Variants in SECISBP2 observed in about 807,000 individuals in gnomAD.
SECISBP2 encodes the protein selenocysteine insertion sequence-binding protein 2.
A neutral mutation model predicts 98.2 loss-of-function variants in SECISBP2; 96 were observed. The observed-to-expected ratio is 0.98, with a 90% CI of 0.83 to 1.16. SECISBP2 has a LOEUF of 1.16. SECISBP2 is among the 50% of genes most tolerant of loss of function. SECISBP2 has a pLI of 0.00. For synonymous variants in SECISBP2, 407 were observed against 370.2 expected, an observed-to-expected ratio of 1.10 and a Z score of -1.14; for missense variants, 1,046 against 1,022.9, an observed-to-expected ratio of 1.02 and a Z score of -0.31.
Position 89,341,400 on chromosome 9 carries a change from G to C in SECISBP2, c.1356G>C (p.Leu452Phe), listed in dbSNP as rs1031436754. ...GCCAGCTTCCAGTGCAGTTGGACTT[G>C]GGGGGCATGCTGACAGCCCTGGAGA... is the stretch of plus-strand genomic sequence containing the variant. ...KKSQLPVQLD[L>F]GGMLTALEKK... The change falls in exon 10 of 17, where the codon TTG (leucine) becomes TTC (phenylalanine). Residue 452 changes from leucine to phenylalanine, a missense_variant. Physicochemically the swap from Leu to Phe is conservative, Grantham distance 22. Transcript: ENST00000375807. The C allele has an allele frequency of 6.2e-7, 1 of 1,613,896 alleles. No homozygotes were observed.
At chr9:89,319,080 C>T (rs1191289389) in intron 1 of SECISBP2, 3 of 994,576 alleles carry the variant, frequency 3.0e-6, no homozygotes, top group Non-Finnish European at 3.6e-6. Flanking sequence ...AAATCTCTTA[C>T]TACGTCACTA....
chr9:89,320,346 ACT>A (rs1050489301), intron 2 of SECISBP2, among the ~76,000 whole-genome samples: 17 of 122,864 alleles, frequency 1.4e-4, no homozygotes, highest in South Asian at 2.8e-4. Context: ...ACAGAGTGAG[ACT>A]CTGTCTCAAA....
intron 11 of SECISBP2, 104 bp from the exon 12 acceptor site, chr9:89,347,975 A>T: frequency 1.8e-6 from 2 of 1,107,056 alleles, no homozygotes; most frequent in Non-Finnish European, 2.7e-6. Flanking sequence ...GGGCACTAAG[A>T]GGCACATTGC....
chr9:89,331,173 C>T (rs564059040), intron 5 of SECISBP2, among the ~76,000 whole-genome samples: 2 of 152,264 alleles, frequency 1.3e-5, no homozygotes, highest in South Asian at 4.1e-4. Flanking sequence ...ATTTCCTTCA[C>T]CTTGAGATTA....
In SECISBP2 at chr9:89,358,783, T is replaced by C. The variant is rs779634227; in HGVS notation, c.2524T>C (p.Leu842=). The C allele has an allele frequency of 6.2e-7, 1 of 1,613,882 alleles. No homozygotes were observed. The highest frequency in any genetic ancestry group is 8.5e-7 in the Non-Finnish European group (1 of 1,179,700). Residue 842 remains leucine, a synonymous_variant, in exon 17 of 17, where the codon TTG becomes CTG. Coordinates refer to ENST00000375807, the MANE Select transcript of SECISBP2 (RefSeq NM_024077.5). ...SGCTLELEES[L]EASTSQMMNL... ...ATGTACCCTGGAGCTAGAAGAATCC[T>C]TGGAGGCTTCAACCTCTCAAATGAT...
rs199939126 is a variant in SECISBP2 at position 89,350,621 on chromosome 9, G to T, written c.1893-11G>T. On this transcript the variant is annotated splice_polypyrimidine_tract_variant and intron_variant, in intron 13 of 16. Coordinates refer to ENST00000375807, the MANE Select transcript of SECISBP2 (RefSeq NM_024077.5). The stretch of plus-strand genomic sequence containing the variant: ...AGTGGCACAATTCCTGATGTCTGAT[G>T]TTTCTTTCAGTTACTGCAGCCAGAT... 3.7e-6 allele frequency: 6 copies of T among 1,612,576 alleles called. No homozygotes were observed. The African/African-American group carries it at 8.0e-5, about 22-fold the overall frequency.
downstream of SECISBP2, chr9:89,360,738 C>T (rs527321816): frequency 6.6e-5 from 10 of 152,338 alleles, no homozygotes; most frequent in Admixed American, 2.6e-4. Context: ...GATGGTGCCG[C>T]ATGAAGCACA....
chr9:89,328,898 G>A lies in SECISBP2; in HGVS notation c.801+12G>A, dbSNP rs372551613. 21 of 1,595,788 alleles carry A rather than the reference G, an allele frequency of 1.3e-5. No homozygotes were observed. The South Asian group carries it at 1.4e-4, about 11-fold the overall frequency. On this transcript the variant is annotated intron_variant, in intron 5 of 16. Transcript: ENST00000375807. ...CAGTGTTATCAAAGGTGAGGTGAGG[G>A]TTTCTCTCTTTTTCTTTTTCCTTTG... is the stretch of plus-strand genomic sequence containing the variant.
chr9:89,321,904 C>T (rs904935368), intron 2 of SECISBP2, among the ~76,000 whole-genome samples: 2 of 152,144 alleles, frequency 1.3e-5, no homozygotes, highest in Non-Finnish European at 2.9e-5. Context: ...AGTCAGATTA[C>T]ATGTAAATGG....
At chr9:89,325,244 T>C in intron 2 of SECISBP2, 183 bp from the exon 3 acceptor site, 1 of 621,390 alleles carries the variant, frequency 1.6e-6, no homozygotes, top group Non-Finnish European at 2.8e-6. Context: ...AGTCAACATC[T>C]TTCTTTGCAG....
At chr9:89,359,725 T>G (rs1406953939), downstream of SECISBP2, 1 of 152,142 alleles carries the variant, frequency 6.6e-6, no homozygotes, top group Non-Finnish European at 1.5e-5. Context: ...TTTACCTCCT[T>G]TGGACAGTCT....
At chr9:89,351,536 G>C (rs2132004348) in intron 14 of SECISBP2, among the ~76,000 whole-genome samples, 1 of 152,198 alleles carries the variant, frequency 6.6e-6, no homozygotes, top group East Asian at 1.9e-4. Flanking sequence ...CTAGGCTAGG[G>C]AACACTCACA....
At chr9:89,362,229 C>G, downstream of SECISBP2, 1 of 1,116,660 alleles carries the variant, frequency 9.0e-7, no homozygotes. Flanking sequence ...CCAGGCTTCT[C>G]CACTGTCCCG....
At chr9:89,337,595 A>G (rs1480509625) in intron 7 of SECISBP2, among the ~76,000 whole-genome samples, 3 of 152,046 alleles carry the variant, frequency 2.0e-5, no homozygotes, top group Non-Finnish European at 4.4e-5. Flanking sequence ...TTACCCTTCA[A>G]CCTGTCTTTT....
Position 89,357,980 on chromosome 9 carries a change from G to C in SECISBP2, c.2269-19G>C. 2 of 1,611,792 alleles carry C rather than the reference G, an allele frequency of 1.2e-6. No individual in the cohort carries two copies. The highest frequency in any genetic ancestry group is 1.7e-6 in the Non-Finnish European group (2 of 1,179,824). ...TCTGTAGCTGGGATGTTACCTGTGT[G>C]CTCTCACTTGTGCCCAAGGATCAGT... On this transcript the variant is annotated intron_variant, in intron 15 of 16. Coordinates refer to ENST00000375807, the MANE Select transcript of SECISBP2 (RefSeq NM_024077.5).
chr9:89,349,699 A>T, intron 12 of SECISBP2, 77 bp from the exon 13 acceptor site: 1 of 1,496,762 alleles, frequency 6.7e-7, no homozygotes, highest in Non-Finnish European at 9.3e-7. Flanking sequence ...TGCATCGGTG[A>T]GACTGCATTG....
At chr9:89,332,529 T>G in intron 5 of SECISBP2, 1 of 274,196 alleles carries the variant, frequency 3.6e-6, no homozygotes. Flanking sequence ...GTCTCCACAG[T>G]TTTGTCTTTT....
At chr9:89,359,925 G>C (rs1037168370), downstream of SECISBP2, among the ~76,000 whole-genome samples, 58 of 152,284 alleles carry the variant, frequency 3.8e-4, no homozygotes, top group Non-Finnish European at 8.8e-5. Context: ...ACTGCTTTTT[G>C]TATTGTTTTG....
intron 8 of SECISBP2, among the ~76,000 whole-genome samples, chr9:89,339,177 T>A (rs1388959495): frequency 6.6e-6 from 1 of 152,248 alleles, no homozygotes; most frequent in African/African-American, 2.4e-5. Context: ...CCTGGCTGCT[T>A]GTGCAGGCCG....
Sources: gnomAD v4.1 joint callset for allele counts (sites outside exome capture counted in the v4.1 genomes callset) on GRCh38, gnomAD v4.1.1 for gene constraint, MANE v1.5 for transcripts, NCBI Gene and HGNC (gene_info 2026-07-23, HGNC 2026-07-21) for gene names.